Variants in STAG2 observed in about 807,000 individuals in gnomAD.
STAG2 encodes STAG2 cohesin complex component, also known as cohesin subunit SA-2.
STAG2 carries 14 observed loss-of-function variants against 108.1 expected under a neutral mutation model. That is an observed-to-expected ratio of 0.13 (90% CI 0.09 to 0.20). The LOEUF (loss-of-function observed/expected upper bound fraction) is 0.20, where lower values mean the gene tolerates loss of function less well. STAG2 is among the 10% of genes least tolerant of loss of function. The pLI, the probability that STAG2 is intolerant of heterozygous loss-of-function variation, is 1.00. For missense variants in STAG2, 440 were observed against 940.9 expected (o/e 0.47, Z 6.96); for synonymous variants, 307 against 302.7 (o/e 1.01, Z -0.15).
At chrX:123,973,046 C>T (rs755622058) in intron 1 of STAG2, among the ~76,000 whole-genome samples, 129 of 104,627 alleles carry the variant, frequency 1.2e-3, no homozygotes, top group Non-Finnish European at 1.7e-3. Flanking sequence ...GAGACCCCCA[C>T]TCAAAAGAGA....
At chrX:124,009,507 T>C (rs2056451233) in intron 1 of STAG2, among the ~76,000 whole-genome samples, 1 of 110,455 alleles carries the variant, frequency 9.1e-6, no homozygotes, top group African/African-American at 3.3e-5. Flanking sequence ...TTTCATGCTG[T>C]ATGCTTCCTC....
At chrX:123,978,310 C>T (rs2054723291) in intron 1 of STAG2, among the ~76,000 whole-genome samples, 1 of 109,175 alleles carries the variant, frequency 9.2e-6, no homozygotes, top group Non-Finnish European at 1.9e-5. Flanking sequence ...TGATGCTCTT[C>T]CCCCACTCCC....
rs777786183 is a variant in STAG2, at chrX:124,083,363, C to CT, written c.2925-52dup. The CT allele has an allele frequency of 1.1e-5, 11 of 979,504 alleles. No individual in the cohort carries two copies. In the East Asian group the frequency reaches 1.5e-4, roughly 13 times the overall value. The allele number at this position is 979,504 out of a possible 1,213,427, so 80.7% of individuals were successfully genotyped here. On this transcript the variant is annotated intron_variant, in intron 28 of 34. Coordinates refer to ENST00000371145, the MANE Select transcript of STAG2 (RefSeq NM_001042750.2). Reference sequence around the variant, plus strand: ...TGAGTGAAATTTCCTAAGTTATTGACTTTTTTATTATAGTCCCTCAAATAT... The same window carrying CT: ...TGAGTGAAATTTCCTAAGTTATTGACTTTTTTTATTATAGTCCCTCAAATAT...
chrX:124,085,815 A>AG (rs1208866902), intron 29 of STAG2, among the ~76,000 whole-genome samples: 1 of 108,603 alleles, frequency 9.2e-6, no homozygotes, highest in African/African-American at 3.3e-5. Context: ...CACACTGAAC[A>AG]GCTAACAAAG....
intron 2 of STAG2, among the ~76,000 whole-genome samples, chrX:124,021,913 C>T (rs1396675198): frequency 9.0e-6 from 1 of 110,923 alleles, no homozygotes; most frequent in African/African-American, 3.3e-5. Flanking sequence ...GATTTCAGGA[C>T]CAGTAAGAGT....
In STAG2 at chrX:124,066,552, A is replaced by C. The variant is rs1603096846; in HGVS notation, c.2265+116A>C. On this transcript the variant is annotated intron_variant, in intron 23 of 34. Transcript: ENST00000371145. ...GTGAAATGTTGCTTGTTTCTAATGT[A>C]CTGTTATTTGTAGTTTGATGTATAT... is the stretch of plus-strand genomic sequence containing the variant. The C allele has an allele frequency of 1.2e-5, 6 of 506,242 alleles. No homozygotes were observed. The East Asian group carries it at 2.2e-4, about 19-fold the overall frequency. The allele number at this position is 506,242 out of a possible 1,213,427, so 41.7% of individuals were successfully genotyped here. A position where few individuals can be genotyped will look rare whatever the true frequency, so the allele number is the denominator to read the frequency against.
At chrX:124,013,109 C>A (rs977109989) in intron 1 of STAG2, among the ~76,000 whole-genome samples, 1 of 111,189 alleles carries the variant, frequency 9.0e-6, no homozygotes, top group Non-Finnish European at 1.9e-5. Context: ...TGCTGTATAC[C>A]ATTTAACCCT....
Position 123,996,309 on chromosome X carries a change from A to G in STAG2, c.-162-25058A>G, listed in dbSNP as rs762882742. ...TGAAACAGATAGCTTTGAGGTTCCAATGTAGATGTTGATGAAATAACATCA... is the reference window on the plus strand; with the variant it reads ...TGAAACAGATAGCTTTGAGGTTCCAGTGTAGATGTTGATGAAATAACATCA... On this transcript the variant is annotated intron_variant, in intron 1 of 34. Transcript: ENST00000371145. 1.7e-4 allele frequency among the ~76,000 whole-genome samples: 19 copies of G among 112,350 alleles called. No individual in the cohort carries two copies. The South Asian group carries it at 7.0e-3, about 41-fold the overall frequency.
At chrX:124,020,822 C>T (rs942936835) in intron 1 of STAG2, among the ~76,000 whole-genome samples, 2 of 112,322 alleles carry the variant, frequency 1.8e-5, no homozygotes, top group African/African-American at 6.5e-5. Context: ...CAGGTGTGCA[C>T]CAACACACGA....
At chrX:123,980,704 TAC>T (rs2054833475) in intron 1 of STAG2, among the ~76,000 whole-genome samples, 1 of 111,636 alleles carries the variant, frequency 9.0e-6, no homozygotes, top group South Asian at 3.7e-4. Flanking sequence ...TATTGAATTC[TAC>T]AAAGTCAAAT....
intron 16 of STAG2, 94 bp from the exon 17 acceptor site, chrX:124,061,677 G>T (rs1266816192): frequency 3.0e-6 from 2 of 659,387 alleles, no homozygotes; most frequent in Admixed American, 9.4e-5. Context: ...TTTACAGGCA[G>T]AAGAAACTGT....
chrX:123,993,811 TG>T (rs2055596738), intron 1 of STAG2, among the ~76,000 whole-genome samples: 1 of 111,778 alleles, frequency 8.9e-6, no homozygotes, highest in African/African-American at 3.3e-5. Flanking sequence ...CCTGTGACCA[TG>T]CATTTAAACG....
At chrX:124,095,325 G>A (rs1269689222) in intron 33 of STAG2, 47 bp from the exon 34 acceptor site, 1 of 1,036,153 alleles carries the variant, frequency 9.7e-7, no homozygotes, top group Admixed American at 2.2e-5. Flanking sequence ...TATCTGGTTT[G>A]TAGATATAGC....
At chrX:124,079,889 TA>T (rs2058908305) in intron 27 of STAG2, among the ~76,000 whole-genome samples, 1 of 111,150 alleles carries the variant, frequency 9.0e-6, no homozygotes. Context: ...TTAATATTAA[TA>T]AACACTGAAC....
intron 25 of STAG2, among the ~76,000 whole-genome samples, chrX:124,075,710 G>C (rs1027218200): frequency 9.0e-6 from 1 of 110,891 alleles, no homozygotes; most frequent in Non-Finnish European, 1.9e-5. Flanking sequence ...TATCCAATAA[G>C]TAAAACAATT....
At chrX:124,084,338 CTT>C (rs760000420) in intron 29 of STAG2, among the ~76,000 whole-genome samples, 1 of 103,107 alleles carries the variant, frequency 9.7e-6, no homozygotes, top group African/African-American at 3.5e-5. Context: ...AGTTCTGTAT[CTT>C]TTTTTTTTTT....
chrX:124,037,248 A>G (rs2057547136), intron 5 of STAG2, among the ~76,000 whole-genome samples: 1 of 111,997 alleles, frequency 8.9e-6, no homozygotes, highest in South Asian at 3.7e-4. Context: ...ATCATAAGTA[A>G]TTATACTTGA....
At chrX:123,996,901 T>C (rs955750253) in intron 1 of STAG2, among the ~76,000 whole-genome samples, 6 of 112,545 alleles carry the variant, frequency 5.3e-5, no homozygotes, top group Non-Finnish European at 1.1e-4. Context: ...AGCATCCATT[T>C]TGAGTTAAAT....
chrX:124,054,693 C>T (rs1162837498), intron 13 of STAG2, among the ~76,000 whole-genome samples: 1 of 111,836 alleles, frequency 8.9e-6, no homozygotes, highest in Non-Finnish European at 1.9e-5. Context: ...TTCTTAGAAA[C>T]GTTCCTTTTC....
Sources: gnomAD v4.1 joint callset for allele counts (sites outside exome capture counted in the v4.1 genomes callset) on GRCh38, gnomAD v4.1.1 for gene constraint, MANE v1.5 for transcripts, NCBI Gene and HGNC (gene_info 2026-07-23, HGNC 2026-07-21) for gene names.